UGGT2: variants seen among roughly 807,000 people sequenced by gnomAD.
UGGT2 encodes UDP-glucose glycoprotein glucosyltransferase 2, also known as UDP-glucose:glycoprotein glucosyltransferase 2.
A neutral mutation model predicts 192.1 loss-of-function variants in UGGT2; 180 were observed. The observed-to-expected ratio is 0.94, with a 90% CI of 0.83 to 1.06. UGGT2 has a LOEUF of 1.06. Among genes scored for constraint, UGGT2 ranks in the 50% least tolerant of loss-of-function variants. The probability of loss-of-function intolerance (pLI) is 0.00; values close to 1 mark genes in which losing one functional copy is unlikely to be tolerated. For synonymous variants in UGGT2, 580 were observed against 591.0 expected, an observed-to-expected ratio of 0.98 and a Z score of 0.27; for missense variants, 1,849 against 1,795.7, an observed-to-expected ratio of 1.03 and a Z score of -0.54.
chr13:95,883,609 C>T (rs967100188), intron 27 of UGGT2, among the ~76,000 whole-genome samples: 1 of 152,048 alleles, frequency 6.6e-6, no homozygotes, highest in Non-Finnish European at 1.5e-5. Context: ...GTGGCACTCC[C>T]CTCACACTCC....
intron 7 of UGGT2, 51 bp from the exon 8 acceptor site, chr13:95,990,124 T>C (rs765790852): frequency 2.6e-6 from 3 of 1,163,110 alleles, no homozygotes; most frequent in Admixed American, 4.5e-5. Context: ...TCACAAACCA[T>C]TATACAAACA....
intron 33 of UGGT2, 58 bp from the exon 34 acceptor site, chr13:95,856,398 G>C: frequency 6.4e-7 from 1 of 1,553,384 alleles, no homozygotes; most frequent in Non-Finnish European, 8.6e-7. Context: ...TTTTGTTTTA[G>C]AGAAAAAAAT....
intron 33 of UGGT2, among the ~76,000 whole-genome samples, chr13:95,857,979 T>C (rs1430815055): frequency 1.3e-5 from 2 of 149,090 alleles, no homozygotes; most frequent in Non-Finnish European, 3.0e-5. Context: ...TTCTTATCTA[T>C]ATTTATAGGT....
chr13:95,982,283 T>C (rs1013698586), intron 10 of UGGT2, among the ~76,000 whole-genome samples: 2 of 152,304 alleles, frequency 1.3e-5, no homozygotes, highest in African/African-American at 2.4e-5. Context: ...GAACAGCCTG[T>C]AAAATCGAGC....
intron 27 of UGGT2, among the ~76,000 whole-genome samples, chr13:95,883,658 G>A (rs1341709283): frequency 2.0e-5 from 3 of 152,038 alleles, no homozygotes; most frequent in Admixed American, 6.5e-5. Flanking sequence ...CCCTTCCACC[G>A]TGATGCCATG....
At chr13:95,927,488 T>C (rs925897027) in intron 17 of UGGT2, 152 bp from the exon 18 acceptor site, 4 of 720,258 alleles carry the variant, frequency 5.6e-6, no homozygotes, top group South Asian at 2.5e-5. Context: ...TTTTTTTTTT[T>C]ATTCTTCAGT....
chr13:96,039,871 C>A (rs2053117231), intron 1 of UGGT2, among the ~76,000 whole-genome samples: 1 of 152,184 alleles, frequency 6.6e-6, no homozygotes, highest in Non-Finnish European at 1.5e-5. Context: ...CCTTCCAAGC[C>A]ATGGCCAGAA....
intron 5 of UGGT2, among the ~76,000 whole-genome samples, chr13:96,006,377 C>G (rs1469679915): frequency 1.3e-5 from 2 of 152,018 alleles, no homozygotes; most frequent in Non-Finnish European, 2.9e-5. Flanking sequence ...GTAATCCCAG[C>G]ACTATGGGAG....
rs779030483 is a variant in UGGT2, at chr13:95,895,248, C to T, written c.2691G>A (p.Lys897=). 6.4e-7 allele frequency: 1 copy of T among 1,567,704 alleles called. No homozygotes were observed. The highest frequency in any genetic ancestry group is 1.2e-5 in the South Asian group (1 of 84,664). ...FYAEDFYLLE[K]ITFSNLGEKI... ...TCTCTCCTAAATTACTAAATGTTAT[C>T]TTTTCCAACAAGTAAAAATCTTCTG... The change falls in exon 23 of 39, where the codon AAG becomes AAA. Residue 897 remains lysine (K), a synonymous_variant. Coordinates refer to ENST00000376747, the MANE Select transcript of UGGT2 (RefSeq NM_020121.4).
At chr13:96,024,401 T>A (rs1372674202) in intron 2 of UGGT2, among the ~76,000 whole-genome samples, 1 of 152,096 alleles carries the variant, frequency 6.6e-6, no homozygotes, top group Non-Finnish European at 1.5e-5. Context: ...GAGACAGAGA[T>A]CACTTGAATG....
chr13:96,020,245 T>G (rs1339163994), intron 4 of UGGT2, among the ~76,000 whole-genome samples: 3 of 152,122 alleles, frequency 2.0e-5, no homozygotes, highest in African/African-American at 7.2e-5. Flanking sequence ...AGGCATTCAG[T>G]TTCAACAAGA....
At chr13:95,883,481 T>A (rs78306119) in intron 27 of UGGT2, among the ~76,000 whole-genome samples, 2 of 152,162 alleles carry the variant, frequency 1.3e-5, no homozygotes, top group African/African-American at 4.8e-5. Context: ...CATGTCTAAT[T>A]GTAATCCCCA....
rs140483700 is a variant in UGGT2, at chr13:95,826,576, C to T, written c.4528+6351G>A. Among the ~76,000 whole-genome samples the T allele has an allele frequency of 3.4e-3, 511 of 151,928 alleles. 4 individuals carry two copies. Among genetic ancestry groups the T allele is most frequent in the African/African-American group, 0.012 (484 of 41,478 alleles). On this transcript the variant is annotated intron_variant, in intron 38 of 38. Coordinates refer to ENST00000376747, the MANE Select transcript of UGGT2 (RefSeq NM_020121.4). ...GTAGTCTTTATGTACAAGCAACCAC[C>T]AGTAAGAAGATATTCTTCAAGAGAA...
chr13:95,873,854 C>G (rs1891434609), intron 29 of UGGT2, among the ~76,000 whole-genome samples: 1 of 152,114 alleles, frequency 6.6e-6, no homozygotes, highest in Non-Finnish European at 1.5e-5. Flanking sequence ...ATGGGTCAGA[C>G]AAGAGCCACA....
intron 4 of UGGT2, among the ~76,000 whole-genome samples, chr13:96,018,115 T>C (rs1295528989): frequency 6.6e-6 from 1 of 152,064 alleles, no homozygotes; most frequent in Non-Finnish European, 1.5e-5. Context: ...AACATGCTAG[T>C]AAAAAAAGAA....
intron 17 of UGGT2, among the ~76,000 whole-genome samples, chr13:95,929,202 A>G (rs1316713692): frequency 1.3e-5 from 2 of 152,166 alleles, no homozygotes; most frequent in Admixed American, 1.3e-4. Context: ...GAGGGAGAAT[A>G]CATTTCCTTG....
intron 29 of UGGT2, 110 bp from the exon 30 acceptor site, chr13:95,867,533 G>A: frequency 2.8e-6 from 2 of 726,320 alleles, no homozygotes; most frequent in Non-Finnish European, 4.4e-6. Flanking sequence ...TAACACTAGT[G>A]CATATATCAT....
intron 17 of UGGT2, among the ~76,000 whole-genome samples, chr13:95,935,945 G>A (rs2049448506): frequency 6.6e-6 from 1 of 152,096 alleles, no homozygotes; most frequent in Non-Finnish European, 1.5e-5. Context: ...TCTTGCCTCA[G>A]CCTTTCGAGC....
chr13:95,883,468 T>G (rs140691992), intron 27 of UGGT2, among the ~76,000 whole-genome samples: 13 of 152,236 alleles, frequency 8.5e-5, no homozygotes, highest in Non-Finnish European at 1.8e-4. Context: ...CCCACCCAAA[T>G]CTCATGTCTA....
Sources: gnomAD v4.1 joint callset for allele counts (sites outside exome capture counted in the v4.1 genomes callset) on GRCh38, gnomAD v4.1.1 for gene constraint, MANE v1.5 for transcripts, NCBI Gene and HGNC (gene_info 2026-07-23, HGNC 2026-07-21) for gene names.